Variants in ST7 observed in about 807,000 individuals in gnomAD.
The protein encoded by ST7 is suppressor of tumorigenicity 7 protein.
In ST7, 28 loss-of-function variants were observed where a neutral mutation model predicts 78.7. The ratio of observed to expected loss-of-function variants is 0.36; its 90% CI spans 0.26 to 0.49. The LOEUF (loss-of-function observed/expected upper bound fraction) is 0.49, where lower values mean the gene tolerates loss of function less well. Ranked by LOEUF, ST7 falls within the 20% of genes least tolerant of loss-of-function variation. The pLI, the probability that ST7 is intolerant of heterozygous loss-of-function variation, is 0.99. For synonymous variants in ST7, 247 were observed against 249.6 expected, an observed-to-expected ratio of 0.99 and a Z score of 0.10; for missense variants, 418 against 696.0, an observed-to-expected ratio of 0.60 and a Z score of 4.49.
intron 15 of ST7, among the ~76,000 whole-genome samples, chr7:117,226,451 C>A (rs931270292): frequency 5.9e-5 from 9 of 152,080 alleles, no homozygotes; most frequent in African/African-American, 2.2e-4. Context: ...TCAGACTTAA[C>A]TTTTCAGCAG....
chr7:117,008,645 T>C (rs955017003), intron 1 of ST7, among the ~76,000 whole-genome samples: 1 of 152,210 alleles, frequency 6.6e-6, no homozygotes, highest in Non-Finnish European at 1.5e-5. Context: ...CATAGTATCA[T>C]CAGAAATGAA....
intron 1 of ST7, among the ~76,000 whole-genome samples, chr7:117,025,523 T>A (rs1285591179): frequency 1.3e-5 from 2 of 152,150 alleles, no homozygotes; most frequent in East Asian, 3.8e-4. Context: ...AAAATAGAAA[T>A]ACTTAAGTAT....
chr7:117,081,147 A>G (rs574954650), intron 1 of ST7: 1 of 152,290 alleles, frequency 6.6e-6, no homozygotes, highest in South Asian at 2.1e-4. Flanking sequence ...GAAAATATAA[A>G]AGGGTATTAC....
At chr7:117,134,083 T>C (rs371987418) in intron 6 of ST7, 41 bp from the exon 7 acceptor site, 153 of 1,607,996 alleles carry the variant, frequency 9.5e-5, no homozygotes, top group Non-Finnish European at 1.2e-4. Context: ...AATGTTCCTA[T>C]CAATTTTCAT....
chr7:117,151,544 A>AT (rs113069566), intron 9 of ST7, among the ~76,000 whole-genome samples: 19,159 of 151,756 alleles, frequency 0.13, 2,224 homozygotes, highest in African/African-American at 0.31. Flanking sequence ...CACACACACT[A>AT]TTTTTTTCTT....
At chr7:117,040,982 C>T (rs1563034965) in intron 1 of ST7, among the ~76,000 whole-genome samples, 1 of 152,118 alleles carries the variant, frequency 6.6e-6, no homozygotes, top group Non-Finnish European at 1.5e-5. Context: ...CACTATCTAC[C>T]CCTTTGCTTT....
chr7:117,225,471 TG>T (rs2116216721), intron 15 of ST7, among the ~76,000 whole-genome samples: 1 of 152,260 alleles, frequency 6.6e-6, no homozygotes, highest in African/African-American at 2.4e-5. Context: ...AGAGACTGTG[TG>T]GGGAAGGAAG....
intron 1 of ST7, chr7:117,014,905 T>G: frequency 9.1e-7 from 1 of 1,095,440 alleles, no homozygotes. Flanking sequence ...GGCAGGAGGC[T>G]TCCCCAGAAC....
chr7:117,063,378 A>G (rs895871812), intron 1 of ST7, among the ~76,000 whole-genome samples: 2 of 152,194 alleles, frequency 1.3e-5, no homozygotes, highest in Non-Finnish European at 2.9e-5. Context: ...TTCAATTGAT[A>G]GGACATGGAG....
rs368800977 is a variant in ST7 at position 117,061,758 on chromosome 7, T to C, written c.152-38004T>C. Among the ~76,000 whole-genome samples the C allele has an allele frequency of 2.4e-3, 373 of 152,320 alleles. 2 individuals carry two copies. The highest frequency in any genetic ancestry group is 0.01 in the Middle Eastern group (3 of 294). ...GACATTAAAAGGAAATGTGTAGCCATTACTGTGCCAGAAAAAGAAAAGGAA... is the reference window on the plus strand; with the variant it reads ...GACATTAAAAGGAAATGTGTAGCCACTACTGTGCCAGAAAAAGAAAAGGAA... On this transcript the variant is annotated intron_variant, in intron 1 of 15. Transcript: ENST00000323984.
At chr7:117,138,595 T>G in intron 9 of ST7, 63 bp downstream of exon 9, 2 of 1,172,380 alleles carry the variant, frequency 1.7e-6, no homozygotes, top group South Asian at 1.3e-5. Context: ...TGAATGGCCA[T>G]AGCAGTCTGT....
At chr7:117,090,114 C>T (rs1192398120) in intron 1 of ST7, among the ~76,000 whole-genome samples, 1 of 152,114 alleles carries the variant, frequency 6.6e-6, no homozygotes, top group Non-Finnish European at 1.5e-5. Flanking sequence ...TCTACATAGC[C>T]ATAGTCTTGC....
chr7:117,001,307 A>G (rs1794922916), intron 1 of ST7, among the ~76,000 whole-genome samples: 1 of 124,816 alleles, frequency 8.0e-6, no homozygotes, highest in Admixed American at 8.9e-5. Context: ...GTATATTTCC[A>G]AATTTAAAGT....
chr7:116,974,020 C>A (rs1052832840), intron 1 of ST7, among the ~76,000 whole-genome samples: 4 of 152,022 alleles, frequency 2.6e-5, no homozygotes, highest in Admixed American at 2.6e-4. Context: ...TTACATATTT[C>A]TTTTTTCTTC....
chr7:117,110,106 CAT>C (rs1802303687), intron 2 of ST7, among the ~76,000 whole-genome samples: 1 of 152,272 alleles, frequency 6.6e-6, no homozygotes, highest in South Asian at 2.1e-4. Context: ...AATCTTTTAG[CAT>C]ATATGTTTTG....
chr7:116,976,086 C>G (rs1793691294), intron 1 of ST7, among the ~76,000 whole-genome samples: 1 of 151,972 alleles, frequency 6.6e-6, no homozygotes, highest in African/African-American at 2.4e-5. Flanking sequence ...CATGGTGAAA[C>G]CCCTTCTCTA....
At position 117,097,902 on chromosome 7, in the gene ST7, ATATATATTTT is replaced by A. The variant is rs1319467414; in HGVS notation, c.152-1858_152-1849del. 8.3e-3 allele frequency among the ~76,000 whole-genome samples: 260 copies of A among 31,242 alleles called. 9 individuals carry two copies. Among genetic ancestry groups the A allele is most frequent in the Middle Eastern group, 0.013 (1 of 80 alleles). The allele number at this position is 31,242 out of a possible 152,430, so 20.5% of individuals were successfully genotyped here. A position where few individuals can be genotyped will look rare whatever the true frequency, so the allele number is the denominator to read the frequency against. ...TCACTATATATATATATATATATAT[ATATATATTTT>A]TTTTTTTTTTTTTTTTGATGGCCAG... On this transcript the variant is annotated intron_variant, in intron 1 of 15. Transcript: ENST00000323984.
intron 13 of ST7, among the ~76,000 whole-genome samples, chr7:117,213,975 C>A (rs995053528): frequency 2.8e-4 from 42 of 152,268 alleles, no homozygotes; most frequent in Non-Finnish European, 4.6e-4. Context: ...TAGGGTATTA[C>A]ACCTATGGGG....
At chr7:116,975,661 G>T (rs1793666524) in intron 1 of ST7, among the ~76,000 whole-genome samples, 1 of 151,284 alleles carries the variant, frequency 6.6e-6, no homozygotes, top group South Asian at 2.1e-4. Flanking sequence ...GCCTGCCTTG[G>T]CCTCCTAAAG....
Sources: gnomAD v4.1 joint callset for allele counts (sites outside exome capture counted in the v4.1 genomes callset) on GRCh38, gnomAD v4.1.1 for gene constraint, MANE v1.5 for transcripts, NCBI Gene and HGNC (gene_info 2026-07-23, HGNC 2026-07-21) for gene names.